EBF1: variants seen among roughly 807,000 people sequenced by gnomAD.
The protein encoded by EBF1 is transcription factor COE1.
A neutral mutation model predicts 68.4 loss-of-function variants in EBF1; 10 were observed. The observed-to-expected ratio is 0.15, with a 90% confidence interval of 0.09 to 0.25. The LOEUF (loss-of-function observed/expected upper bound fraction) is 0.25, where lower values mean the gene tolerates loss of function less well. EBF1 is among the 10% of genes least tolerant of loss of function. EBF1 has a pLI of 1.00. For synonymous variants in EBF1, 298 were observed against 299.8 expected, an observed-to-expected ratio of 0.99 and a Z score of 0.06; for missense variants, 509 against 794.4, an observed-to-expected ratio of 0.64 and a Z score of 4.32.
At chr5:158,926,277 G>A (rs995639143) in intron 6 of EBF1, among the ~76,000 whole-genome samples, 5 of 152,032 alleles carry the variant, frequency 3.3e-5, no homozygotes, top group African/African-American at 4.8e-5. Flanking sequence ...TAGCGCATTT[G>A]TTATATCTTA....
Position 158,982,569 on chromosome 5 carries a change from T to C in EBF1, c.554+90827A>G, listed in dbSNP as rs28563144. On this transcript the variant is annotated intron_variant, in intron 6 of 15. Transcript: ENST00000313708. The stretch of plus-strand genomic sequence containing the variant: ...ACCTTGAAGATACTTGATAAATATT[T>C]GTTGAATAGATGAATTAATAACAAA... Among the ~76,000 whole-genome samples the C allele has an allele frequency of 3.8e-3, 575 of 152,332 alleles. 6 individuals are homozygous for C. Among genetic ancestry groups the C allele is most frequent in the African/African-American group, 0.013 (553 of 41,590 alleles).
chr5:158,801,998 A>G (rs754215082), intron 8 of EBF1, among the ~76,000 whole-genome samples: 10 of 152,174 alleles, frequency 6.6e-5, no homozygotes, highest in Non-Finnish European at 1.5e-4. Flanking sequence ...TTTCTTTGAT[A>G]GAAAGCAAGG....
intron 8 of EBF1, among the ~76,000 whole-genome samples, chr5:158,818,787 T>G (rs1425093969): frequency 6.6e-6 from 1 of 152,196 alleles, no homozygotes; most frequent in Non-Finnish European, 1.5e-5. Context: ...TTTTAAAGAA[T>G]CTATCTTCAA....
At chr5:158,700,455 A>C (rs1445089471) in intron 15 of EBF1, among the ~76,000 whole-genome samples, 2 of 150,884 alleles carry the variant, frequency 1.3e-5, no homozygotes, top group African/African-American at 4.9e-5. Context: ...CTTGTCAGTG[A>C]TGACTGTGTC....
At chr5:159,023,856 T>C (rs911211077) in intron 6 of EBF1, among the ~76,000 whole-genome samples, 1 of 151,994 alleles carries the variant, frequency 6.6e-6, no homozygotes, top group Non-Finnish European at 1.5e-5. Flanking sequence ...CTATCCTAAG[T>C]TGAATGTGGA....
intron 6 of EBF1, among the ~76,000 whole-genome samples, chr5:158,902,621 CATT>C (rs932220886): frequency 2.2e-4 from 30 of 138,516 alleles, no homozygotes; most frequent in African/African-American, 1.2e-4. Context: ...TTATTATTAT[CATT>C]ATTATTATTA....
At chr5:158,726,805 C>T (rs370725560) in intron 11 of EBF1, among the ~76,000 whole-genome samples, 3 of 152,262 alleles carry the variant, frequency 2.0e-5, no homozygotes, top group South Asian at 2.1e-4. Flanking sequence ...GTGAGGCTAC[C>T]GACCCTGAGG....
At chr5:158,886,732 C>A (rs772937308) in intron 6 of EBF1, among the ~76,000 whole-genome samples, 1 of 152,206 alleles carries the variant, frequency 6.6e-6, no homozygotes, top group Non-Finnish European at 1.5e-5. Flanking sequence ...GAGACTTAGG[C>A]TGGGCATGGT....
chr5:158,857,041 T>C (rs775075378), intron 6 of EBF1, among the ~76,000 whole-genome samples: 9 of 152,168 alleles, frequency 5.9e-5, no homozygotes, highest in Non-Finnish European at 1.0e-4. Context: ...CTTCCTTCCT[T>C]TGTGATCTGG....
chr5:158,886,645 T>A (rs1227633786), intron 6 of EBF1, among the ~76,000 whole-genome samples: 1 of 152,228 alleles, frequency 6.6e-6, no homozygotes, highest in Non-Finnish European at 1.5e-5. Flanking sequence ...ATTAACAACA[T>A]GTACAGCCAG....
At chr5:158,709,956 T>C (rs1289431029) in intron 14 of EBF1, among the ~76,000 whole-genome samples, 3 of 152,174 alleles carry the variant, frequency 2.0e-5, no homozygotes, top group Admixed American at 6.5e-5. Flanking sequence ...GGGGGCCAGT[T>C]AACAGAGGTA....
At position 158,859,102 on chromosome 5, in the gene EBF1, C is replaced by T. The variant is rs532695286; in HGVS notation, c.555-18992G>A. The stretch of plus-strand genomic sequence containing the variant: ...CCCTCTCCATTTTCCATACAAGAGA[C>T]GCATCTCAATGTTAATGTGAAAAAA... On this transcript the variant is annotated intron_variant, in intron 6 of 15. Transcript: ENST00000313708. Among the ~76,000 whole-genome samples, 6 of 152,294 alleles carry T rather than the reference C, an allele frequency of 3.9e-5. No homozygotes were observed. In the East Asian group the frequency reaches 5.8e-4, roughly 15 times the overall value.
At chr5:158,866,809 T>C (rs1295885259) in intron 6 of EBF1, among the ~76,000 whole-genome samples, 1 of 131,878 alleles carries the variant, frequency 7.6e-6, no homozygotes, top group African/African-American at 2.9e-5. Context: ...GGGACTCCAG[T>C]AATATATGTA....
chr5:158,756,243 G>A (rs1382286771), intron 10 of EBF1, among the ~76,000 whole-genome samples: 1 of 151,920 alleles, frequency 6.6e-6, no homozygotes, highest in African/African-American at 2.4e-5. Context: ...CGTTTTGGCT[G>A]CCTTCTGACC....
At chr5:158,758,710 A>G (rs1347134524) in intron 10 of EBF1, among the ~76,000 whole-genome samples, 1 of 152,186 alleles carries the variant, frequency 6.6e-6, no homozygotes, top group African/African-American at 2.4e-5. Flanking sequence ...TATACAATAT[A>G]TATTTATTCA....
chr5:158,977,002 G>A (rs562245086), intron 6 of EBF1, among the ~76,000 whole-genome samples: 46 of 152,142 alleles, frequency 3.0e-4, no homozygotes, highest in Non-Finnish European at 5.9e-4. Context: ...TGCACAGAAG[G>A]AAATCTCAGA....
chr5:158,759,391 C>T (rs1254618977), intron 10 of EBF1, among the ~76,000 whole-genome samples: 2 of 152,128 alleles, frequency 1.3e-5, no homozygotes, highest in Non-Finnish European at 2.9e-5. Flanking sequence ...GGATCTGCTA[C>T]AATGACATGA....
intron 6 of EBF1, among the ~76,000 whole-genome samples, chr5:158,890,677 C>T (rs1035970494): frequency 2.0e-5 from 3 of 152,138 alleles, no homozygotes; most frequent in African/African-American, 4.8e-5. Context: ...GGTCCTTCCC[C>T]GAAGCCCCCG....
intron 10 of EBF1, among the ~76,000 whole-genome samples, chr5:158,739,287 T>C (rs1314002090): frequency 6.6e-6 from 1 of 152,192 alleles, no homozygotes; most frequent in Non-Finnish European, 1.5e-5. Flanking sequence ...GTGTCTAAAA[T>C]GGGAAGTAGG....
Sources: allele counts gnomAD v4.1 joint callset (sites outside exome capture counted in the v4.1 genomes callset), GRCh38; gene constraint gnomAD v4.1.1; transcripts MANE v1.5; gene names NCBI Gene and HGNC (gene_info 2026-07-23, HGNC 2026-07-21).